The following DISC1 variants were observed in gnomAD, a reference collection of about 807,000 sequenced individuals.
DISC1 encodes the protein disrupted in schizophrenia 1 protein.
A neutral mutation model predicts 84.5 loss-of-function variants in DISC1; 57 were observed. The ratio of observed to expected loss-of-function variants is 0.67; its 90% CI spans 0.55 to 0.84. The LOEUF (loss-of-function observed/expected upper bound fraction) is 0.84, where lower values mean the gene tolerates loss of function less well. Among genes scored for constraint, DISC1 ranks in the 40% least tolerant of loss-of-function variants. The probability of loss-of-function intolerance (pLI) is 0.00; values close to 1 mark genes in which losing one functional copy is unlikely to be tolerated. For synonymous variants in DISC1, 411 were observed against 415.2 expected (o/e 0.99, Z 0.12); for missense variants, 1,000 against 1,057.8 (o/e 0.95, Z 0.76).
intron 9 of DISC1, among the ~76,000 whole-genome samples, chr1:231,848,383 A>C (rs991525853): frequency 6.6e-6 from 1 of 152,224 alleles, no homozygotes; most frequent in African/African-American, 2.4e-5. Context: ...GAATATTTAA[A>C]TGACAAGAAC....
chr1:231,711,331 G>A (rs1454977476), intron 3 of DISC1, among the ~76,000 whole-genome samples: 1 of 133,138 alleles, frequency 7.5e-6, no homozygotes, highest in Non-Finnish European at 1.7e-5. Flanking sequence ...TAGAATTGAT[G>A]TTTATTTTTG....
At chr1:231,893,800 G>A (rs1422768103) in intron 9 of DISC1, among the ~76,000 whole-genome samples, 1 of 152,176 alleles carries the variant, frequency 6.6e-6, no homozygotes, top group Non-Finnish European at 1.5e-5. Context: ...ATGGGGAGAT[G>A]ACGCTTACTC....
intron 11 of DISC1, among the ~76,000 whole-genome samples, chr1:232,019,526 G>A (rs1668760266): frequency 2.0e-5 from 3 of 152,052 alleles, no homozygotes; most frequent in African/African-American, 7.2e-5. Context: ...CTTTGTAGTG[G>A]GTGGTATTTT....
intron 10 of DISC1, among the ~76,000 whole-genome samples, chr1:231,987,320 C>G (rs1174737297): frequency 6.6e-6 from 1 of 152,204 alleles, no homozygotes; most frequent in Non-Finnish European, 1.5e-5. Flanking sequence ...TGCCTTAGAA[C>G]TATTCAGTCA....
intron 6 of DISC1, among the ~76,000 whole-genome samples, chr1:231,780,838 T>C (rs1334511431): frequency 9.5e-6 from 1 of 104,990 alleles, no homozygotes; most frequent in Non-Finnish European, 1.9e-5. Context: ...CCATAAAAAA[T>C]GATGAGTTCA....
At chr1:231,708,008 G>A (rs1420866991) in intron 3 of DISC1, among the ~76,000 whole-genome samples, 1 of 152,160 alleles carries the variant, frequency 6.6e-6, no homozygotes, top group African/African-American at 2.4e-5. Context: ...ATGGTAGGTG[G>A]AACTATTACC....
chr1:231,812,082 G>A (rs2080359058), intron 8 of DISC1, among the ~76,000 whole-genome samples: 2 of 152,098 alleles, frequency 1.3e-5, no homozygotes, highest in South Asian at 2.1e-4. Context: ...AAGGGATGGG[G>A]TCTTGCTCTG....
chr1:231,879,203 T>G (rs2086111855), intron 9 of DISC1, among the ~76,000 whole-genome samples: 1 of 152,054 alleles, frequency 6.6e-6, no homozygotes, highest in African/African-American at 2.4e-5. Context: ...TTGAGCGTCA[T>G]GTCAGTGTTC....
intron 9 of DISC1, among the ~76,000 whole-genome samples, chr1:231,861,969 G>C (rs561149529): frequency 6.6e-6 from 1 of 152,118 alleles, no homozygotes; most frequent in African/African-American, 2.4e-5. Context: ...GATTGGCAAC[G>C]TCTGGCCATT....
intron 9 of DISC1, among the ~76,000 whole-genome samples, chr1:231,863,727 G>A (rs1180002470): frequency 6.6e-6 from 1 of 152,090 alleles, no homozygotes; most frequent in East Asian, 1.9e-4. Flanking sequence ...TTTGCCCTGG[G>A]CTTTTTAAGA....
At chr1:231,670,493 T>C (rs905594368) in intron 1 of DISC1, 1 of 152,244 alleles carries the variant, frequency 6.6e-6, no homozygotes, top group Non-Finnish European at 1.5e-5. Flanking sequence ...GTTCCACCTC[T>C]AAAATTGGTT....
At chr1:231,647,181 G>A (rs2060208815) in intron 1 of DISC1, among the ~76,000 whole-genome samples, 3 of 152,146 alleles carry the variant, frequency 2.0e-5, no homozygotes, top group African/African-American at 7.2e-5. Context: ...TTCTTCTAGG[G>A]TTTTTATGGT....
intron 1 of DISC1, among the ~76,000 whole-genome samples, chr1:231,686,697 T>A (rs1228656072): frequency 3.3e-5 from 5 of 152,228 alleles, no homozygotes; most frequent in African/African-American, 1.2e-4. Flanking sequence ...TTGTTACTTA[T>A]GCAAATTCCT....
At chr1:231,948,861 A>AT (rs58931988) in intron 9 of DISC1, among the ~76,000 whole-genome samples, 3,550 of 94,434 alleles carry the variant, frequency 0.038, 32 homozygotes, top group Non-Finnish European at 0.047. Flanking sequence ...TCCTGTGTTA[A>AT]TTTTTTTTTT....
intron 10 of DISC1, among the ~76,000 whole-genome samples, chr1:231,960,979 G>A (rs1660310147): frequency 6.6e-6 from 1 of 152,224 alleles, no homozygotes; most frequent in Non-Finnish European, 1.5e-5. Flanking sequence ...TTATAAAGGA[G>A]GTTACATAGG....
At chr1:231,833,364 A>T (rs12405759) in intron 9 of DISC1, among the ~76,000 whole-genome samples, 1 of 150,954 alleles carries the variant, frequency 6.6e-6, no homozygotes, top group East Asian at 2.0e-4. Context: ...GGTAGCCTCC[A>T]TATTGATTAA....
intron 1 of DISC1, chr1:231,684,978 G>A (rs1018782815): frequency 2.6e-5 from 4 of 152,254 alleles, no homozygotes; most frequent in Non-Finnish European, 5.9e-5. Context: ...ACAGGGTAGA[G>A]TGGCTCGCCT....
intron 10 of DISC1, among the ~76,000 whole-genome samples, chr1:231,998,961 T>C (rs1666311624): frequency 1.3e-5 from 2 of 152,116 alleles, no homozygotes; most frequent in Non-Finnish European, 2.9e-5. Context: ...TTTCTTCTTG[T>C]TTGCGAGGAA....
At chr1:232,029,131 GT>G (rs1472891082) in intron 12 of DISC1, among the ~76,000 whole-genome samples, 1 of 152,158 alleles carries the variant, frequency 6.6e-6, no homozygotes, top group Non-Finnish European at 1.5e-5. Context: ...CTGATGTTAT[GT>G]TTTTTGAGAA....
Sources: gnomAD v4.1 joint callset for allele counts (sites outside exome capture counted in the v4.1 genomes callset) on GRCh38, gnomAD v4.1.1 for gene constraint, MANE v1.5 for transcripts, NCBI Gene and HGNC (gene_info 2026-07-23, HGNC 2026-07-21) for gene names.